The following DLGAP1 variants were observed in gnomAD, a reference collection of about 807,000 sequenced individuals.
DLGAP1 encodes the protein DLG associated protein 1.
Under a neutral mutation model 90.8 loss-of-function variants are expected in DLGAP1, and 11 were observed. The observed-to-expected ratio is 0.12, with a 90% CI of 0.08 to 0.20. The LOEUF is 0.20. DLGAP1 is among the 10% of genes least tolerant of loss of function. The pLI is 1.00. For missense variants in DLGAP1, 1,050 were observed against 1,333.8 expected (o/e 0.79, Z 3.31); for synonymous variants, 558 against 540.7 (o/e 1.03, Z -0.44).
chr18:4,381,309 A>G (rs2082112186), intron 1 of DLGAP1, among the ~76,000 whole-genome samples: 1 of 152,220 alleles, frequency 6.6e-6, no homozygotes, highest in Non-Finnish European at 1.5e-5. Flanking sequence ...TCTGATAACT[A>G]TTCAACAGTG....
At chr18:3,966,650 T>A (rs1421248042) in intron 3 of DLGAP1, among the ~76,000 whole-genome samples, 2 of 152,214 alleles carry the variant, frequency 1.3e-5, no homozygotes, top group African/African-American at 4.8e-5. Context: ...CTTAAGCAAC[T>A]GATATATGGG....
At chr18:3,661,218 C>T (rs1240225850) in intron 7 of DLGAP1, among the ~76,000 whole-genome samples, 1 of 152,126 alleles carries the variant, frequency 6.6e-6, no homozygotes, top group African/African-American at 2.4e-5. Context: ...GACAAAAAGC[C>T]TTAACATGAC....
chr18:3,777,462 G>A (rs941714271), intron 5 of DLGAP1, among the ~76,000 whole-genome samples: 12 of 152,188 alleles, frequency 7.9e-5, no homozygotes, highest in Admixed American at 2.0e-4. Context: ...GGAAGAATAC[G>A]CGGATGTGGC....
chr18:3,572,004 T>C (rs967417278), intron 8 of DLGAP1, among the ~76,000 whole-genome samples: 1 of 151,910 alleles, frequency 6.6e-6, no homozygotes, highest in Non-Finnish European at 1.5e-5. Flanking sequence ...TATTGATTCC[T>C]CTGTATTTAT....
chr18:3,695,628 A>T (rs2061066013), intron 7 of DLGAP1, among the ~76,000 whole-genome samples: 1 of 152,180 alleles, frequency 6.6e-6, no homozygotes, highest in African/African-American at 2.4e-5. Context: ...GTTTGAAGTC[A>T]GGTAGTGTGA....
At position 4,084,642 on chromosome 18, in the gene DLGAP1, C is replaced by A. The variant is rs1209110122; in HGVS notation, c.-159+66538G>T. ...TCCCTCCAGTTTATTGCCATGAGATCATTCTCCCTTTGTCTAATCTTACTT... is the reference window on the plus strand; with the variant it reads ...TCCCTCCAGTTTATTGCCATGAGATAATTCTCCCTTTGTCTAATCTTACTT... On this transcript the variant is annotated intron_variant, in intron 2 of 12. Transcript: ENST00000315677. The surrounding 1 kb of genome is among the most constrained non-coding windows in gnomAD (Gnocchi z 4.0). Among the ~76,000 whole-genome samples the A allele has an allele frequency of 1.3e-5, 2 of 152,162 alleles. No individual in the cohort carries two copies. Among genetic ancestry groups the A allele is most frequent in the Non-Finnish European group, 2.9e-5 (2 of 68,024 alleles).
chr18:4,277,662 T>G (rs992866372), intron 1 of DLGAP1, among the ~76,000 whole-genome samples: 3 of 152,230 alleles, frequency 2.0e-5, no homozygotes, highest in African/African-American at 7.2e-5. Flanking sequence ...TTCTCTTTTT[T>G]CGGTTATTTA....
chr18:3,882,068 G>T, intron 3 of DLGAP1, among the ~76,000 whole-genome samples: 1 of 152,082 alleles, frequency 6.6e-6, no homozygotes, highest in East Asian at 1.9e-4. Context: ...ACTCAGAGTG[G>T]GAAAAAGTAA....
At chr18:4,303,449 A>G (rs941211699) in intron 1 of DLGAP1, among the ~76,000 whole-genome samples, 3 of 151,806 alleles carry the variant, frequency 2.0e-5, no homozygotes, top group African/African-American at 7.3e-5. Flanking sequence ...ACCCCCACAA[A>G]CCTCCCTCTG....
intron 7 of DLGAP1, among the ~76,000 whole-genome samples, chr18:3,666,887 G>A (rs1474892689): frequency 6.7e-6 from 1 of 150,310 alleles, no homozygotes; most frequent in Non-Finnish European, 1.5e-5. Context: ...CTCCGTAGTA[G>A]CTGCAACTAC....
At chr18:4,422,354 A>C (rs952411349) in intron 1 of DLGAP1, among the ~76,000 whole-genome samples, 4 of 152,008 alleles carry the variant, frequency 2.6e-5, no homozygotes, top group Non-Finnish European at 4.4e-5. Flanking sequence ...TGGTATGTGT[A>C]GTATAATAAC....
chr18:4,033,518 T>C (rs978698401), intron 2 of DLGAP1, among the ~76,000 whole-genome samples: 3 of 152,120 alleles, frequency 2.0e-5, no homozygotes, highest in Non-Finnish European at 4.4e-5. Flanking sequence ...AATAAAACTG[T>C]TGGATAATAA....
rs1044566777 is a variant in DLGAP1 at position 3,526,551 on chromosome 18, C to T, written c.2479+7643G>A. 5.9e-5 allele frequency among the ~76,000 whole-genome samples: 9 copies of T among 152,364 alleles called. No homozygotes were observed. The highest frequency in any genetic ancestry group is 1.2e-4 in the Non-Finnish European group (8 of 68,048). On this transcript the variant is annotated intron_variant, in intron 10 of 12. Coordinates refer to ENST00000315677, the MANE Select transcript of DLGAP1 (RefSeq NM_004746.4). This position sits in a 1 kb window ranked among gnomAD's most constrained non-coding sequence, Gnocchi z 4.7. Reference sequence around the variant, plus strand: ...TAAAGTGGAAGAATTAATCTGCCTCCGGCACATGCTCTAGGTTTATCAGTT... The same window carrying T: ...TAAAGTGGAAGAATTAATCTGCCTCTGGCACATGCTCTAGGTTTATCAGTT...
intron 1 of DLGAP1, among the ~76,000 whole-genome samples, chr18:4,330,164 C>CATGA (rs1195564801): frequency 1.3e-5 from 2 of 152,008 alleles, no homozygotes; most frequent in Non-Finnish European, 2.9e-5. Context: ...TAAAGATGCT[C>CATGA]ACTCATCTTT....
At chr18:4,145,050 C>A (rs2076562107) in intron 2 of DLGAP1, among the ~76,000 whole-genome samples, 1 of 152,128 alleles carries the variant, frequency 6.6e-6, no homozygotes, top group South Asian at 2.1e-4. Flanking sequence ...ATTAAAAATG[C>A]CAATGTCAGT....
intron 1 of DLGAP1, among the ~76,000 whole-genome samples, chr18:4,350,248 G>C (rs906288819): frequency 6.6e-6 from 1 of 152,000 alleles, no homozygotes; most frequent in Non-Finnish European, 1.5e-5. Context: ...TAAAAATGGA[G>C]GGAAATATTA....
intron 1 of DLGAP1, among the ~76,000 whole-genome samples, chr18:4,404,502 A>C (rs1263240472): frequency 6.6e-6 from 1 of 152,208 alleles, no homozygotes. Flanking sequence ...GTAGACAATA[A>C]AAGCACAGCT....
At chr18:4,179,119 C>T (rs549610727) in intron 1 of DLGAP1, among the ~76,000 whole-genome samples, 1 of 152,168 alleles carries the variant, frequency 6.6e-6, no homozygotes, top group Non-Finnish European at 1.5e-5. Context: ...GATTAAAATG[C>T]AACTCTGCCC....
chr18:3,659,618 T>C (rs1337612431), intron 7 of DLGAP1, among the ~76,000 whole-genome samples: 5 of 151,636 alleles, frequency 3.3e-5, no homozygotes, highest in South Asian at 2.1e-4. Flanking sequence ...CAGGCTGGAG[T>C]GCAGTGGTGC....
Sources: gnomAD v4.1 joint callset for allele counts (sites outside exome capture counted in the v4.1 genomes callset) on GRCh38, gnomAD v4.1.1 for gene constraint, Gnocchi (gnomAD v3.1) non-coding constraint, MANE v1.5 for transcripts, NCBI Gene and HGNC (gene_info 2026-07-23, HGNC 2026-07-21) for gene names.